The following CELF2 variants were observed in gnomAD, a reference collection of about 807,000 sequenced individuals.
The protein encoded by CELF2 is CUGBP Elav-like family member 2.
A neutral mutation model predicts 62.6 loss-of-function variants in CELF2; 8 were observed. That is an observed-to-expected ratio of 0.13 (90% CI 0.07 to 0.23). The LOEUF is 0.23. CELF2 is among the 10% of genes least tolerant of loss of function. The pLI is 1.00. For synonymous variants in CELF2, 258 were observed against 250.0 expected, an observed-to-expected ratio of 1.03 and a Z score of -0.30; for missense variants, 333 against 671.0, an observed-to-expected ratio of 0.50 and a Z score of 5.56.
chr10:11,000,597 C>T (rs887245109), upstream of CELF2, among the ~76,000 whole-genome samples: 6 of 152,150 alleles, frequency 3.9e-5, no homozygotes, highest in Non-Finnish European at 8.8e-5. Flanking sequence ...TTGGATTTGT[C>T]ACTGGGATGG....
intron 1 of CELF2, among the ~76,000 whole-genome samples, chr10:11,101,269 C>A (rs537323330): frequency 1.6e-3 from 240 of 152,258 alleles, no homozygotes; most frequent in Non-Finnish European, 2.9e-3. Flanking sequence ...TACAATACTT[C>A]TGAGACATCC....
At chr10:10,719,710 CCT>C in the CELF2 span, among the ~76,000 whole-genome samples, 3 of 152,180 alleles carry the variant, frequency 2.0e-5, no homozygotes, top group South Asian at 4.1e-4. Flanking sequence ...GTGACCCTAA[CCT>C]CTCTGTGCCT....
the CELF2 span, among the ~76,000 whole-genome samples, chr10:10,673,177 G>A: frequency 6.6e-6 from 1 of 151,926 alleles, no homozygotes; most frequent in Admixed American, 6.5e-5. Flanking sequence ...AGGAGTTTGG[G>A]GTTCTGTTTT....
At chr10:10,516,173 C>T in the CELF2 span, among the ~76,000 whole-genome samples, 8 of 152,230 alleles carry the variant, frequency 5.3e-5, no homozygotes, top group Non-Finnish European at 8.8e-5. Context: ...TTTTGGACTG[C>T]GTGACTATTT....
chr10:10,700,692 G>A, the CELF2 span, among the ~76,000 whole-genome samples: 1 of 152,124 alleles, frequency 6.6e-6, no homozygotes, highest in Non-Finnish European at 1.5e-5. Context: ...ACTGCCCCTT[G>A]GCTACCTATT....
At chr10:10,817,819 G>A (rs1023683663) in intron 1 of CELF2, among the ~76,000 whole-genome samples, 4 of 152,158 alleles carry the variant, frequency 2.6e-5, no homozygotes, top group African/African-American at 9.7e-5. Flanking sequence ...AAGTAATAAG[G>A]TTACTGAACT....
At chr10:10,885,612 T>C (rs1035202882) in intron 1 of CELF2, among the ~76,000 whole-genome samples, 9 of 152,090 alleles carry the variant, frequency 5.9e-5, no homozygotes, top group African/African-American at 1.9e-4. Flanking sequence ...ATGGAAATAT[T>C]ATGTAATACT....
chr10:10,532,886 C>CA, the CELF2 span, among the ~76,000 whole-genome samples: 99,760 of 137,474 alleles, frequency 0.73, 36,575 homozygotes, highest in Non-Finnish European at 0.82. Context: ...GACAAAATCT[C>CA]AAAAAAAAAA....
At chr10:10,979,208 G>A (rs776193153) in intron 2 of CELF2, among the ~76,000 whole-genome samples, 5 of 152,090 alleles carry the variant, frequency 3.3e-5, no homozygotes, top group African/African-American at 4.8e-5. Flanking sequence ...TATCAGGAGC[G>A]GTAACATTTC....
At position 11,011,777 on chromosome 10, in the gene CELF2, G is replaced by T. The variant is rs549494139; in HGVS notation, c.53+6337G>T. 1.6e-4 allele frequency among the ~76,000 whole-genome samples: 25 copies of T among 151,972 alleles called. No homozygotes were observed. In the South Asian group the frequency reaches 1.7e-3, roughly 10 times the overall value. Reference sequence around the variant, plus strand: ...AGAAAGAAAAAAAATTTCCCCTAATGGACTTCATGGGAATTAGCATCAAAA... The same window carrying T: ...AGAAAGAAAAAAAATTTCCCCTAATTGACTTCATGGGAATTAGCATCAAAA... On this transcript the variant is annotated intron_variant, in intron 1 of 12. Transcript: ENST00000416382. The surrounding 1 kb of genome is among the most constrained non-coding windows in gnomAD (Gnocchi z 4.6).
At chr10:11,173,257 A>G (rs2069595828) in intron 2 of CELF2, among the ~76,000 whole-genome samples, 1 of 152,162 alleles carries the variant, frequency 6.6e-6, no homozygotes, top group African/African-American at 2.4e-5. Flanking sequence ...CCAGAAGGAG[A>G]GGTGTTGTCA....
the CELF2 span, among the ~76,000 whole-genome samples, chr10:10,581,234 C>T: frequency 6.6e-6 from 1 of 152,178 alleles, no homozygotes; most frequent in Admixed American, 6.5e-5. Flanking sequence ...CTACTAGTTG[C>T]TCCCCAGATA....
chr10:10,551,132 C>T, the CELF2 span, among the ~76,000 whole-genome samples: 71 of 152,178 alleles, frequency 4.7e-4, 1 homozygote, highest in South Asian at 0.014. Flanking sequence ...TGAAAAACAG[C>T]TCACACCTTA....
the CELF2 span, among the ~76,000 whole-genome samples, chr10:10,707,980 C>T: frequency 6.6e-6 from 1 of 151,990 alleles, no homozygotes; most frequent in Admixed American, 6.6e-5. Context: ...CGTATATTAT[C>T]AATGCAAGTT....
chr10:11,203,020 A>G (rs1236747770), intron 2 of CELF2, among the ~76,000 whole-genome samples: 1 of 151,920 alleles, frequency 6.6e-6, no homozygotes, highest in Non-Finnish European at 1.5e-5. Flanking sequence ...AAAAAGACTC[A>G]GAAATCCATC....
the CELF2 span, among the ~76,000 whole-genome samples, chr10:10,529,904 C>G: frequency 2.0e-4 from 30 of 152,212 alleles, no homozygotes; most frequent in East Asian, 1.5e-3. Flanking sequence ...TGTGGCTTAG[C>G]AAGAATTTAA....
intron 3 of CELF2, among the ~76,000 whole-genome samples, chr10:11,225,709 C>T (rs1050259354): frequency 2.0e-5 from 3 of 152,098 alleles, no homozygotes; most frequent in African/African-American, 7.2e-5. Flanking sequence ...TTGTGTACAG[C>T]CCTGGTTTGA....
chr10:11,253,773 G>A (rs974726829), intron 4 of CELF2, among the ~76,000 whole-genome samples: 1 of 152,166 alleles, frequency 6.6e-6, no homozygotes, highest in Non-Finnish European at 1.5e-5. Flanking sequence ...GGCTGCTGGT[G>A]TGGAACCCCT....
chr10:11,202,894 C>G (rs1240896331), intron 2 of CELF2, among the ~76,000 whole-genome samples: 1 of 146,134 alleles, frequency 6.8e-6, no homozygotes, highest in Non-Finnish European at 1.5e-5. Flanking sequence ...TTCCCACCCC[C>G]ATCCTCATCT....
Sources: allele counts gnomAD v4.1 joint callset (sites outside exome capture counted in the v4.1 genomes callset), GRCh38; gene constraint gnomAD v4.1.1; non-coding constraint Gnocchi (gnomAD v3.1); transcripts MANE v1.5; gene names NCBI Gene and HGNC (gene_info 2026-07-23, HGNC 2026-07-21).